Variants in RAB31 observed in about 807,000 individuals in gnomAD.
The protein encoded by RAB31 is RAB31, member RAS oncogene family.
A neutral mutation model predicts 25.6 loss-of-function variants in RAB31; 21 were observed. That is an observed-to-expected ratio of 0.82 (90% CI 0.58 to 1.18). RAB31 has a LOEUF of 1.18. Ranked by LOEUF, RAB31 falls within the 50% of genes most tolerant of loss-of-function variation. The pLI is 0.00. For synonymous variants in RAB31, 87 were observed against 84.0 expected (o/e 1.04, Z -0.20); for missense variants, 196 against 250.1 (o/e 0.78, Z 1.46).
intron 1 of RAB31, among the ~76,000 whole-genome samples, chr18:9,753,558 T>C (rs1232799194): frequency 6.6e-6 from 1 of 152,210 alleles, no homozygotes; most frequent in Non-Finnish European, 1.5e-5. Flanking sequence ...TTTCAGGTAC[T>C]ATAAATAACA....
intron 4 of RAB31, 38 bp downstream of exon 4, chr18:9,814,129 G>T: frequency 6.9e-7 from 1 of 1,446,582 alleles, no homozygotes; most frequent in South Asian, 1.2e-5. Context: ...TGTCATTTAT[G>T]GTGGTTCTCT....
intron 1 of RAB31, among the ~76,000 whole-genome samples, chr18:9,772,304 C>T (rs1022162659): frequency 3.3e-5 from 5 of 151,762 alleles, no homozygotes; most frequent in Admixed American, 6.6e-5. Context: ...AGGAAGGCCC[C>T]GGGGCACACA....
At position 9,805,296 on chromosome 18, in the gene RAB31, AG is replaced by A. The variant is rs1307178542; in HGVS notation, c.202-8723del. ...ACATAAAAAGATTAAAAAAAAAAAA[AG>A]AAATAAGTATCACTGGAATAAGATT... On this transcript the variant is annotated intron_variant, in intron 3 of 6. Coordinates refer to ENST00000578921, the MANE Select transcript of RAB31 (RefSeq NM_006868.4). 1.5e-4 allele frequency among the ~76,000 whole-genome samples: 23 copies of A among 151,154 alleles called. 1 individual carries two copies. The highest frequency in any genetic ancestry group is 4.1e-4 in the African/African-American group (17 of 41,250).
chr18:9,828,034 C>T (rs1035132110), intron 5 of RAB31, among the ~76,000 whole-genome samples: 4 of 152,110 alleles, frequency 2.6e-5, no homozygotes, highest in African/African-American at 7.2e-5. Flanking sequence ...ACATGCGTCC[C>T]AGGTGAGGTA....
chr18:9,733,607 T>A (rs1456211558), intron 1 of RAB31, among the ~76,000 whole-genome samples: 1 of 152,158 alleles, frequency 6.6e-6, no homozygotes, highest in Non-Finnish European at 1.5e-5. Context: ...CCAAGCCTCA[T>A]TCCATTTTCC....
At chr18:9,712,585 C>A (rs913843440) in intron 1 of RAB31, among the ~76,000 whole-genome samples, 38 of 152,330 alleles carry the variant, frequency 2.5e-4, no homozygotes, top group Middle Eastern at 3.4e-3. Flanking sequence ...GCTGCTTCAA[C>A]CCCAAAGGTG....
intron 5 of RAB31, among the ~76,000 whole-genome samples, chr18:9,816,940 T>C (rs2068601810): frequency 6.6e-6 from 1 of 152,208 alleles, no homozygotes; most frequent in Non-Finnish European, 1.5e-5. Context: ...GCTCTTAACA[T>C]AGCATTTAAC....
chr18:9,800,821 C>T (rs769833791), intron 3 of RAB31, among the ~76,000 whole-genome samples: 19 of 152,052 alleles, frequency 1.2e-4, no homozygotes, highest in Non-Finnish European at 2.4e-4. Context: ...TACTGAGATC[C>T]GATTCACGTA....
rs951170438 is a variant in RAB31, at chr18:9,797,906, C to T, written c.201+5671C>T. 3.9e-5 allele frequency among the ~76,000 whole-genome samples: 6 copies of T among 152,148 alleles called. No homozygotes were observed. In the East Asian group the frequency reaches 5.8e-4, roughly 15 times the overall value. ...GTCTTTTGATGAAACTTGAAATCTGCGAAAATGACTATTGTAGTTTGTAGT... is the reference window on the plus strand; with the variant it reads ...GTCTTTTGATGAAACTTGAAATCTGTGAAAATGACTATTGTAGTTTGTAGT... On this transcript the variant is annotated intron_variant, in intron 3 of 6. Coordinates refer to ENST00000578921, the MANE Select transcript of RAB31 (RefSeq NM_006868.4).
chr18:9,837,642 C>A (rs2903677), intron 5 of RAB31, among the ~76,000 whole-genome samples: 33,334 of 152,132 alleles, frequency 0.22, 5,024 homozygotes, highest in East Asian at 0.68. Flanking sequence ...TCCAAAACCA[C>A]CCTGGGCAGA....
intron 1 of RAB31, among the ~76,000 whole-genome samples, chr18:9,757,563 C>T (rs550090247): frequency 1.3e-5 from 2 of 152,120 alleles, no homozygotes; most frequent in Non-Finnish European, 2.9e-5. Flanking sequence ...GAAGGGGCTT[C>T]TGGGAAGTGA....
At chr18:9,857,317 T>C (rs1158667922) in intron 6 of RAB31, among the ~76,000 whole-genome samples, 2 of 152,170 alleles carry the variant, frequency 1.3e-5, no homozygotes, top group Non-Finnish European at 2.9e-5. Flanking sequence ...TTTTGTCCCT[T>C]GTGGAAATGC....
In RAB31 at chr18:9,834,549, T is replaced by C. The variant is rs544615881; in HGVS notation, c.381-11033T>C. 1.5e-3 allele frequency among the ~76,000 whole-genome samples: 223 copies of C among 152,366 alleles called. 2 individuals are homozygous for C. The highest frequency in any genetic ancestry group is 5.1e-3 in the African/African-American group (211 of 41,580). ...ATTGTGACAATTAGCAATAAATTTC[T>C]TCTGGGGTTGAAGGGGAAGGTTCTA... is the stretch of plus-strand genomic sequence containing the variant. On this transcript the variant is annotated intron_variant, in intron 5 of 6. Coordinates refer to ENST00000578921, the MANE Select transcript of RAB31 (RefSeq NM_006868.4).
intron 1 of RAB31, among the ~76,000 whole-genome samples, chr18:9,750,821 C>A (rs2145478291): frequency 6.6e-6 from 1 of 152,242 alleles, no homozygotes; most frequent in East Asian, 1.9e-4. Flanking sequence ...AAACTTTTGG[C>A]CTTGTTGCCT....
At position 9,708,335 on chromosome 18, in the gene RAB31, C is replaced by T. The variant is rs2067996336; in HGVS notation, c.-71C>T. 2.3e-6 allele frequency: 3 copies of T among 1,277,970 alleles called. No homozygotes were observed. Among genetic ancestry groups the T allele is most frequent in the South Asian group, 3.3e-5 (2 of 61,532 alleles). 79.2% of individuals were successfully genotyped at this position (1,277,970 alleles called of 1,614,324 possible). A position where few individuals can be genotyped will look rare whatever the true frequency, so the allele number is the denominator to read the frequency against. On this transcript the variant is annotated 5_prime_UTR_variant, in exon 1 of 7. The change creates a new upstream start codon in the 5' untranslated region. Coordinates refer to ENST00000578921, the MANE Select transcript of RAB31 (RefSeq NM_006868.4). The surrounding 1 kb of genome is among the most constrained non-coding windows in gnomAD (Gnocchi z 6.4). ...GCGAGCGAGGGGCAGAGGCGAGAGA[C>T]GCCGGCGGGGCGCGGGCGCGGCGGC... is the stretch of plus-strand genomic sequence containing the variant.
chr18:9,758,758 G>C (rs1479652084), intron 1 of RAB31, among the ~76,000 whole-genome samples: 1 of 152,046 alleles, frequency 6.6e-6, no homozygotes, highest in Non-Finnish European at 1.5e-5. Flanking sequence ...CTGATTCTGA[G>C]TCTCAGCTGT....
intron 1 of RAB31, 98 bp from the exon 2 acceptor site, chr18:9,775,180 G>C (rs1191512220): frequency 6.4e-7 from 1 of 1,573,942 alleles, no homozygotes; most frequent in African/African-American, 1.3e-5. Context: ...ACCAGAAATA[G>C]CCAGTCGTGT....
intron 1 of RAB31, among the ~76,000 whole-genome samples, chr18:9,764,830 T>TC (rs2068307107): frequency 6.6e-6 from 1 of 152,218 alleles, no homozygotes; most frequent in African/African-American, 2.4e-5. Flanking sequence ...ATGCTTGAGT[T>TC]CACTTATGCC....
At chr18:9,792,075 A>G in intron 2 of RAB31, 79 bp from the exon 3 acceptor site, 1 of 1,525,010 alleles carries the variant, frequency 6.6e-7, no homozygotes, top group Non-Finnish European at 8.9e-7. Context: ...GCTGAGGTGT[A>G]GCATTTAACT....
Sources: allele counts gnomAD v4.1 joint callset (sites outside exome capture counted in the v4.1 genomes callset), GRCh38; gene constraint gnomAD v4.1.1; non-coding constraint Gnocchi (gnomAD v3.1); transcripts MANE v1.5; gene names NCBI Gene and HGNC (gene_info 2026-07-23, HGNC 2026-07-21).